Variants in SSBP4 observed in about 807,000 individuals in gnomAD.
SSBP4 encodes single-stranded DNA-binding protein 4.
A neutral mutation model predicts 64.6 loss-of-function variants in SSBP4; 33 were observed. That is an observed-to-expected ratio of 0.51 (90% CI 0.39 to 0.68). The LOEUF (loss-of-function observed/expected upper bound fraction) is 0.68, where lower values mean the gene tolerates loss of function less well. Among genes scored for constraint, SSBP4 ranks in the 30% least tolerant of loss-of-function variants. SSBP4 has a pLI of 0.00. For synonymous variants in SSBP4, 243 were observed against 224.0 expected, an observed-to-expected ratio of 1.08 and a Z score of -0.76; for missense variants, 583 against 566.8, an observed-to-expected ratio of 1.03 and a Z score of -0.29.
At chr19:18,434,192 G>C (rs771682870) in intron 17 of SSBP4, 25 bp from the exon 18 acceptor site, 1 of 1,610,360 alleles carries the variant, frequency 6.2e-7, no homozygotes, top group Admixed American at 1.7e-5. Context: ...CGGCCCCTGC[G>C]CGCTGCCCCC....
chr19:18,433,755 C>G lies in SSBP4; in HGVS notation c.1066C>G (p.Pro356Ala). The part of the protein sequence containing the change: ...VAGLSNAPGT[P>A]RDDGEMAAAG... ...CGGCCTGAGCAACGCCCCGGGCACC[C>G]CGCGGGACGACGGCGAGATGGCGGC... The change falls in exon 17 of 18, where the codon CCG (proline) becomes GCG (alanine). Residue 356 changes from proline to alanine, a missense_variant. Physicochemically the swap from Pro to Ala is conservative, Grantham distance 27. Around this residue, in one of 5 missense-constraint regions of SSBP4, gnomAD observed 31 missense variants for 58.5 expected, o/e 0.53. Transcript: ENST00000270061. 6.9e-7 allele frequency: 1 copy of G among 1,438,922 alleles called. No homozygotes were observed. Among genetic ancestry groups the G allele is most frequent in the Non-Finnish European group, 9.1e-7 (1 of 1,103,544 alleles). 89.1% of individuals were successfully genotyped at this position (1,438,922 alleles called of 1,614,324 possible).
At chr19:18,406,870 G>A in the SSBP4 span, among the ~76,000 whole-genome samples, 17 of 152,054 alleles carry the variant, frequency 1.1e-4, no homozygotes, top group East Asian at 3.1e-3. Flanking sequence ...TTAAAGGAAC[G>A]GCTGGAAGGT....
chr19:18,429,691 G>T (rs1472137354), intron 4 of SSBP4, among the ~76,000 whole-genome samples: 2 of 152,184 alleles, frequency 1.3e-5, no homozygotes, highest in Non-Finnish European at 2.9e-5. Context: ...GCCCAGAGGG[G>T]ACCTGGAAGT....
chr19:18,430,077 A>G (rs1279995851), intron 4 of SSBP4, among the ~76,000 whole-genome samples: 1 of 152,088 alleles, frequency 6.6e-6, no homozygotes, highest in Non-Finnish European at 1.5e-5. Context: ...GGCCGACCCC[A>G]GAGAGAGCCC....
At chr19:18,416,650 G>A (rs1283891531), upstream of SSBP4, among the ~76,000 whole-genome samples, 1 of 152,148 alleles carries the variant, frequency 6.6e-6, no homozygotes, top group Non-Finnish European at 1.5e-5. Flanking sequence ...CCCTGCCCCG[G>A]CCACGGCTGC....
chr19:18,432,165 C>T lies in SSBP4; in HGVS notation c.655C>T (p.Arg219Ter). Residue 219 changes from arginine (R) to a stop codon, truncating the protein, a stop_gained, in exon 10 of 18, where the codon CGA becomes TGA. Coordinates refer to ENST00000270061, the MANE Select transcript of SSBP4 (RefSeq NM_032627.5). LOFTEE classifies it high-confidence loss of function. ...TCCGCAGAGCTATGGAGGTGGCATG[C>T]GACCCCCACCCAACTCCCTCGCCGG... is the stretch of plus-strand genomic sequence containing the variant. ...VGPQSYGGGM[R>*]PPPNSLAGPG... The T allele has an allele frequency of 6.2e-7, 1 of 1,613,122 alleles. No individual in the cohort carries two copies. Among genetic ancestry groups the T allele is most frequent in the Non-Finnish European group, 8.5e-7 (1 of 1,179,968 alleles).
At chr19:18,432,536 C>T (rs751219606) in intron 10 of SSBP4, 23 bp from the exon 11 acceptor site, 3 of 1,555,068 alleles carry the variant, frequency 1.9e-6, no homozygotes, top group Non-Finnish European at 8.7e-7. Context: ...GCCCCAGAGT[C>T]TGTCATCCGC....
rs1972935984 is a variant in SSBP4, at chr19:18,427,448, C to T, written c.132+25C>T. 1.2e-6 allele frequency: 2 copies of T among 1,605,656 alleles called. No homozygotes were observed. Among genetic ancestry groups the T allele is most frequent in the Non-Finnish European group, 1.7e-6 (2 of 1,179,050 alleles). On this transcript the variant is annotated intron_variant, in intron 2 of 17. Coordinates refer to ENST00000270061, the MANE Select transcript of SSBP4 (RefSeq NM_032627.5). The surrounding 1 kb of genome is among the most constrained non-coding windows in gnomAD (Gnocchi z 4.4). ...GGTAAGCCACCACCTCCAGGCTGGC[C>T]CTCCCTCCTCACCCACACTCCGGGG...
intron 6 of SSBP4, 58 bp downstream of exon 6, chr19:18,431,476 C>T: frequency 1.8e-6 from 2 of 1,095,212 alleles, no homozygotes; most frequent in Non-Finnish European, 2.6e-6. Context: ...CAGCGCCGCC[C>T]CCTCCCACCC....
chr19:18,432,531 AG>A, intron 10 of SSBP4, 27 bp from the exon 11 acceptor site: 2 of 1,552,744 alleles, frequency 1.3e-6, no homozygotes, highest in Non-Finnish European at 1.7e-6. Flanking sequence ...GACTAGCCCC[AG>A]AGTCTGTCAT....
chr19:18,434,046 G>A, intron 17 of SSBP4, 171 bp from the exon 18 acceptor site: 2 of 1,014,932 alleles, frequency 2.0e-6, no homozygotes, highest in Non-Finnish European at 2.3e-6. Context: ...CGGGACCCGC[G>A]CCCCAGGGCG....
At chr19:18,430,959 C>T in intron 5 of SSBP4, 29 bp downstream of exon 5, 2 of 1,607,080 alleles carry the variant, frequency 1.2e-6, no homozygotes, top group East Asian at 2.2e-5. Context: ...TCCACTGGCC[C>T]CCAACTCTGG....
intron 1 of SSBP4, among the ~76,000 whole-genome samples, chr19:18,422,669 A>G (rs536848013): frequency 6.6e-5 from 10 of 152,330 alleles, no homozygotes; most frequent in African/African-American, 2.4e-4. Context: ...CCCATCTTTC[A>G]GGATCTTTGC....
At position 18,433,739 on chromosome 19, in the gene SSBP4, C is replaced by T; in HGVS notation, c.1050C>T (p.Ser350=). The change falls in exon 17 of 18, where the codon AGC becomes AGT. Residue 350 remains serine (S), a synonymous_variant. Coordinates refer to ENST00000270061, the MANE Select transcript of SSBP4 (RefSeq NM_032627.5). ...KSSPGAVAGL[S]NAPGTPRDDG... is the part of the protein sequence containing the mutation. ...CCCCCGGCGCCGTGGCCGGCCTGAG[C>T]AACGCCCCGGGCACCCCGCGGGACG... 3 of 1,435,182 alleles carry T rather than the reference C, an allele frequency of 2.1e-6. No homozygotes were observed. The highest frequency in any genetic ancestry group is 2.7e-6 in the Non-Finnish European group (3 of 1,104,182). The allele number at this position is 1,435,182 out of a possible 1,614,324, so 88.9% of individuals were successfully genotyped here. A position where few individuals can be genotyped will look rare whatever the true frequency, so the allele number is the denominator to read the frequency against.
chr19:18,432,806 CG>C (rs1568356857), intron 12 of SSBP4, 22 bp from the exon 13 acceptor site: 14 of 1,613,818 alleles, frequency 8.7e-6, no homozygotes, highest in African/African-American at 6.7e-5. Context: ...CCATTTCTCA[CG>C]GTTCCTGTCT....
the SSBP4 span, among the ~76,000 whole-genome samples, chr19:18,408,606 C>T: frequency 6.6e-6 from 1 of 151,838 alleles, no homozygotes; most frequent in Non-Finnish European, 1.5e-5. Context: ...GATTCTCCTG[C>T]CTCAGCCTCC....
At chr19:18,404,986 C>G in the SSBP4 span, among the ~76,000 whole-genome samples, 3 of 108,370 alleles carry the variant, frequency 2.8e-5, no homozygotes, top group South Asian at 8.5e-4. Flanking sequence ...AGCCCAGAGG[C>G]CCCCCCCCCC....
rs1431731129 is a variant in SSBP4, at chr19:18,427,352, T to G, written c.61T>G (p.Leu21Val). The change falls in exon 2 of 18, where the codon TTG (leucine) becomes GTG (valine). Residue 21 changes from leucine to valine, a missense_variant and splice_region_variant. Physicochemically the swap from Leu to Val is conservative, Grantham distance 32. This residue lies in a region of SSBP4 where 39 missense variants were observed against 25.7 expected (regional missense o/e 1.52). Transcript: ENST00000270061. This position sits in a 1 kb window ranked among gnomAD's most constrained non-coding sequence, Gnocchi z 4.4. The part of the protein sequence containing the change: ...VPSDSQAREK[L>V]ALYVYEYLLH... ...CCCTGGGCCGCCTCGCCCCCACAGG[T>G]TGGCGCTGTACGTTTATGAGTACCT... 1 of 1,610,054 alleles carries G rather than the reference T, an allele frequency of 6.2e-7. No individual in the cohort carries two copies. Among genetic ancestry groups the G allele is most frequent in the Admixed American group, 1.7e-5 (1 of 59,992 alleles).
Position 18,431,812 on chromosome 19 carries a change from G to C in SSBP4, c.515G>C (p.Gly172Ala). 3 of 1,563,850 alleles carry C rather than the reference G, an allele frequency of 1.9e-6. No homozygotes were observed. Among genetic ancestry groups the C allele is most frequent in the Non-Finnish European group, 2.6e-6 (3 of 1,153,284 alleles). Residue 172 changes from glycine to alanine, a missense_variant, in exon 8 of 18, where the codon GGC becomes GCC. By Grantham distance (60) the Gly-to-Ala change is moderately conservative (BLOSUM62 0). Coordinates refer to ENST00000270061, the MANE Select transcript of SSBP4 (RefSeq NM_032627.5). ...MPSQPPAGLP[G>A]SQPLLPGAME... ...CCGCAGCCTCCCGCAGGCCTCCCTG[G>C]CTCCCAGCCCCTCCTCCCTGGCGCC...
Sources: allele counts gnomAD v4.1 joint callset (sites outside exome capture counted in the v4.1 genomes callset), GRCh38; gene constraint gnomAD v4.1.1; regional missense constraint gnomAD v4.1.1; non-coding constraint Gnocchi (gnomAD v3.1); transcripts MANE v1.5; gene names NCBI Gene and HGNC (gene_info 2026-07-23, HGNC 2026-07-21).